The following PHYHIPL variants were observed in gnomAD, a reference collection of about 807,000 sequenced individuals.
PHYHIPL encodes the protein phytanoyl-CoA 2-hydroxylase interacting protein like.
Under a neutral mutation model 33.4 loss-of-function variants are expected in PHYHIPL, and 9 were observed. The observed-to-expected ratio is 0.27, with a 90% CI of 0.16 to 0.47. The LOEUF (loss-of-function observed/expected upper bound fraction) is 0.47. PHYHIPL is among the 20% of genes least tolerant of loss of function. The probability of loss-of-function intolerance (pLI) is 0.99; values close to 1 mark genes in which losing one functional copy is unlikely to be tolerated. For synonymous variants in PHYHIPL, 153 were observed against 154.1 expected (o/e 0.99, Z 0.05); for missense variants, 365 against 460.7 (o/e 0.79, Z 1.90).
In PHYHIPL at chr10:59,216,018, T is replaced by C. The variant is rs147635480; in HGVS notation, c.107-18286T>C. Among the ~76,000 whole-genome samples, 598 of 152,126 alleles carry C rather than the reference T, an allele frequency of 3.9e-3. 6 individuals are homozygous for C. Among genetic ancestry groups the C allele is most frequent in the African/African-American group, 0.013 (559 of 41,520 alleles). ...AAATCAAGAGTTCTATTTTAGATAT[T>C]TTAAATTTGAAATATCTGTGAGACA... On this transcript the variant is annotated intron_variant, in intron 1 of 4. Transcript: ENST00000373880.
In PHYHIPL at chr10:59,246,569, A is replaced by G. The variant is rs1840726347; in HGVS notation, c.*978A>G. On this transcript the variant is annotated 3_prime_UTR_variant, in exon 5 of 5. Coordinates refer to ENST00000373880, the MANE Select transcript of PHYHIPL (RefSeq NM_032439.4). ...CCTTTTACAAAAATGAAAATAATAA[A>G]CATGTTTTCGTATAAAATAACACAA... 1 of 396,716 alleles carries G rather than the reference A, an allele frequency of 2.5e-6. No individual in the cohort carries two copies. 24.6% of individuals were successfully genotyped at this position (396,716 alleles called of 1,614,324 possible).
upstream of PHYHIPL, among the ~76,000 whole-genome samples, chr10:59,174,879 A>G (rs1222624303): frequency 1.3e-5 from 2 of 152,004 alleles, no homozygotes; most frequent in Non-Finnish European, 2.9e-5. Context: ...ATAAATTTGA[A>G]CTCCAAATTT....
chr10:59,247,750 A>C lies in PHYHIPL; in HGVS notation c.*2159A>C, dbSNP rs775594737. The C allele has an allele frequency of 3.7e-6, 6 of 1,605,970 alleles. No individual in the cohort carries two copies. The highest frequency in any genetic ancestry group is 5.1e-6 in the Non-Finnish European group (6 of 1,176,304). On this transcript the variant is annotated 3_prime_UTR_variant, in exon 5 of 5. Coordinates refer to ENST00000373880, the MANE Select transcript of PHYHIPL (RefSeq NM_032439.4). ...CTTTTGTGGACTTCTGCAAAACAAA[A>C]ATACATTTGTTAGTTCACAATGAAT...
At chr10:59,226,059 A>G (rs139968436) in intron 1 of PHYHIPL, among the ~76,000 whole-genome samples, 84 of 152,276 alleles carry the variant, frequency 5.5e-4, no homozygotes, top group African/African-American at 1.9e-3. Flanking sequence ...TGTGTTCTCA[A>G]TAAAATTCAA....
Position 59,236,641 on chromosome 10 carries a change from A to G in PHYHIPL, c.462A>G (p.Ile154Met), listed in dbSNP as rs1355049907. 3 of 1,604,370 alleles carry G rather than the reference A, an allele frequency of 1.9e-6. No homozygotes were observed. The highest frequency in any genetic ancestry group is 1.7e-6 in the Non-Finnish European group (2 of 1,175,186). The change falls in exon 3 of 5, where the codon ATA becomes ATG. Residue 154 changes from isoleucine (I) to methionine (M), a missense_variant. Ile to Met is a conservative substitution (Grantham distance 10). Around this residue, in one of 4 missense-constraint regions of PHYHIPL, gnomAD observed 63 missense variants for 119.3 expected, o/e 0.53. Transcript: ENST00000373880. The part of the protein sequence containing the change: ...DYVVSEWSEI[I>M]EFCTADYSKV... ...TTGTGTCTGAATGGAGTGAAATTAT[A>G]GAATTCTGCACCGCAGGTAAGAGAA...
intron 1 of PHYHIPL, among the ~76,000 whole-genome samples, chr10:59,190,058 G>A (rs1287343649): frequency 2.6e-5 from 4 of 151,940 alleles, no homozygotes; most frequent in Admixed American, 2.6e-4. Context: ...ATAACATTGT[G>A]TAATAAGTAA....
chr10:59,180,269 C>T (rs1003817627), intron 1 of PHYHIPL, among the ~76,000 whole-genome samples: 2 of 143,376 alleles, frequency 1.4e-5, no homozygotes, highest in Non-Finnish European at 3.0e-5. Context: ...CACACACACA[C>T]ACACACACAT....
chr10:59,205,786 T>C (rs1204762915), intron 1 of PHYHIPL, among the ~76,000 whole-genome samples: 1 of 152,180 alleles, frequency 6.6e-6, no homozygotes. Flanking sequence ...AAAGCTTGAC[T>C]TCTGGGGTGG....
intron 1 of PHYHIPL, among the ~76,000 whole-genome samples, chr10:59,230,844 G>A (rs187074082): frequency 1.1e-3 from 164 of 152,172 alleles, no homozygotes; most frequent in Non-Finnish European, 1.7e-3. Flanking sequence ...CCAGATCATA[G>A]GTAGATTTAA....
intron 1 of PHYHIPL, among the ~76,000 whole-genome samples, chr10:59,207,921 G>C (rs1337767451): frequency 6.6e-6 from 1 of 151,518 alleles, no homozygotes; most frequent in Admixed American, 6.6e-5. Context: ...AGCAGCCCCA[G>C]TCAGGGGCTT....
upstream of PHYHIPL, among the ~76,000 whole-genome samples, chr10:59,175,835 A>C (rs1838238264): frequency 6.6e-6 from 1 of 152,224 alleles, no homozygotes; most frequent in Admixed American, 6.5e-5. Context: ...ACAATGGCAT[A>C]GGGTGAGCAT....
At chr10:59,192,462 C>G (rs1838807752) in intron 1 of PHYHIPL, among the ~76,000 whole-genome samples, 1 of 151,958 alleles carries the variant, frequency 6.6e-6, no homozygotes, top group Admixed American at 6.6e-5. Context: ...TGTTGGTGAT[C>G]CAGGGTCCAG....
At chr10:59,200,784 C>T (rs933167648) in intron 1 of PHYHIPL, among the ~76,000 whole-genome samples, 2 of 151,924 alleles carry the variant, frequency 1.3e-5, no homozygotes, top group East Asian at 1.9e-4. Flanking sequence ...GTTTAGTCTT[C>T]GGAGGGTGTA....
rs78206746 is a variant in PHYHIPL, at chr10:59,219,232, A to G, written c.107-15072A>G. ...ATAAGAAAGTGCTATTTAAGTGATT[A>G]AGTAGGAAGCCAAAGAAGTAGAGTT... On this transcript the variant is annotated intron_variant, in intron 1 of 4. Transcript: ENST00000373880. 1.3e-4 allele frequency: 122 copies of G among 937,154 alleles called. No individual in the cohort carries two copies. The African/African-American group carries it at 2.1e-3, about 16-fold the overall frequency. 58.1% of individuals were successfully genotyped at this position (937,154 alleles called of 1,614,324 possible).
At chr10:59,190,850 G>C (rs1838762828) in intron 1 of PHYHIPL, among the ~76,000 whole-genome samples, 1 of 151,732 alleles carries the variant, frequency 6.6e-6, no homozygotes, top group Non-Finnish European at 1.5e-5. Context: ...GAAATTTTCT[G>C]TTCTTAACCT....
At chr10:59,240,916 G>C (rs1314901804) in intron 4 of PHYHIPL, among the ~76,000 whole-genome samples, 2 of 151,972 alleles carry the variant, frequency 1.3e-5, no homozygotes, top group Non-Finnish European at 2.9e-5. Flanking sequence ...AAGACAGAGT[G>C]CCTAGAAAAT....
rs1021937498 is a variant in PHYHIPL, at chr10:59,246,450, G to A, written c.*859G>A. 2 of 376,682 alleles carry A rather than the reference G, an allele frequency of 5.3e-6. No individual in the cohort carries two copies. Among genetic ancestry groups the A allele is most frequent in the African/African-American group, 2.1e-5 (1 of 48,184 alleles). The allele number at this position is 376,682 out of a possible 1,614,324, so 23.3% of individuals were successfully genotyped here. A position where few individuals can be genotyped will look rare whatever the true frequency, so the allele number is the denominator to read the frequency against. ...TAGTCTTCCCATCCAAACTATAAGA[G>A]AATGTGAATTTCTTCAACATCATAC... is the stretch of plus-strand genomic sequence containing the variant. On this transcript the variant is annotated 3_prime_UTR_variant, in exon 5 of 5. Coordinates refer to ENST00000373880, the MANE Select transcript of PHYHIPL (RefSeq NM_032439.4).
At chr10:59,238,824 C>T (rs1392463003) in intron 4 of PHYHIPL, 119 bp downstream of exon 4, 6 of 574,648 alleles carry the variant, frequency 1.0e-5, no homozygotes, top group South Asian at 5.6e-5. Flanking sequence ...TTCAAAATAA[C>T]GATATGGAAT....
intron 1 of PHYHIPL, among the ~76,000 whole-genome samples, chr10:59,186,418 C>T (rs1438174873): frequency 3.3e-5 from 5 of 152,098 alleles, no homozygotes; most frequent in African/African-American, 1.2e-4. Flanking sequence ...CAGCTTTGTT[C>T]TTTTTGCTTA....
Sources: gnomAD v4.1 joint callset for allele counts (sites outside exome capture counted in the v4.1 genomes callset) on GRCh38, gnomAD v4.1.1 for gene constraint, gnomAD v4.1.1 regional missense constraint, MANE v1.5 for transcripts, NCBI Gene and HGNC (gene_info 2026-07-23, HGNC 2026-07-21) for gene names.